Variants in SUPT3H observed in about 807,000 individuals in gnomAD.
SUPT3H encodes SPT3 homolog, SAGA and STAGA complex component.
SUPT3H carries 44 observed loss-of-function variants against 44.3 expected under a neutral mutation model. That is an observed-to-expected ratio of 0.99 (90% CI 0.78 to 1.28). SUPT3H has a LOEUF of 1.28. Ranked by LOEUF, SUPT3H falls within the 50% of genes most tolerant of loss-of-function variation. The pLI is 0.00. For missense variants in SUPT3H, 380 were observed against 387.1 expected (o/e 0.98, Z 0.15); for synonymous variants, 124 against 125.6 (o/e 0.99, Z 0.09).
intron 2 of SUPT3H, among the ~76,000 whole-genome samples, chr6:45,123,606 TTATATA>T (rs773020497): frequency 6.6e-6 from 1 of 151,844 alleles, no homozygotes; most frequent in East Asian, 1.9e-4. Context: ...AAAACAAAGA[TTATATA>T]TATATAATCT....
At chr6:45,176,275 G>T in intron 2 of SUPT3H, among the ~76,000 whole-genome samples, 1 of 151,776 alleles carries the variant, frequency 6.6e-6, no homozygotes, top group Non-Finnish European at 1.5e-5. Context: ...AGCGCGAGGG[G>T]TCAAGAACTT....
rs558608295 is a variant in SUPT3H, at chr6:45,049,678, A to AT, written c.187-29047dup. Among the ~76,000 whole-genome samples, 60 of 152,300 alleles carry AT rather than the reference A, an allele frequency of 3.9e-4. 1 individual carries two copies. Among genetic ancestry groups the AT allele is most frequent in the African/African-American group, 1.2e-3 (50 of 41,568 alleles). ...TCTTTGAGTATACACAAGTAGCTTC[A>AT]TTGTTTATAGCTTAACTCAGAAAGA... On this transcript the variant is annotated intron_variant, in intron 3 of 10. Transcript: ENST00000371459.
intron 3 of SUPT3H, among the ~76,000 whole-genome samples, chr6:45,054,647 T>C (rs114559687): frequency 0.019 from 2,961 of 152,230 alleles, 57 homozygotes; most frequent in South Asian, 0.086. Flanking sequence ...TATGTAGCCA[T>C]TGGGGGCTTT....
chr6:45,011,251 T>C (rs529440279), intron 5 of SUPT3H, among the ~76,000 whole-genome samples: 6 of 152,106 alleles, frequency 3.9e-5, no homozygotes, highest in Non-Finnish European at 7.4e-5. Flanking sequence ...TGGGAAATAA[T>C]TGGTATTCTT....
intron 2 of SUPT3H, among the ~76,000 whole-genome samples, chr6:45,314,705 T>C (rs906762986): frequency 3.9e-5 from 6 of 152,066 alleles, no homozygotes; most frequent in African/African-American, 1.2e-4. Flanking sequence ...GTGAAAATCA[T>C]CATACTGCCA....
intron 2 of SUPT3H, among the ~76,000 whole-genome samples, chr6:45,292,120 T>C (rs1049958044): frequency 2.0e-5 from 3 of 152,170 alleles, no homozygotes; most frequent in Admixed American, 6.5e-5. Context: ...CTAGGAGGGA[T>C]TGGGGCCCTA....
At chr6:45,227,177 T>G (rs1284902801) in intron 2 of SUPT3H, among the ~76,000 whole-genome samples, 1 of 151,612 alleles carries the variant, frequency 6.6e-6, no homozygotes, top group African/African-American at 2.4e-5. Context: ...TTAATGATAG[T>G]TAGTATATGA....
In SUPT3H at chr6:45,298,146, G is replaced by A. The variant is rs905660850; in HGVS notation, c.101+67055C>T. Among the ~76,000 whole-genome samples the A allele has an allele frequency of 2.6e-5, 4 of 152,216 alleles. No individual in the cohort carries two copies. In the South Asian group the frequency reaches 8.3e-4, roughly 32 times the overall value. ...AGTTTTATGAAGAGTTAGGACTTTC[G>A]ATAATTTAATGAATGATCATGACTT... is the stretch of plus-strand genomic sequence containing the variant. On this transcript the variant is annotated intron_variant, in intron 2 of 10. Coordinates refer to ENST00000371459, the MANE Select transcript of SUPT3H (RefSeq NM_003599.4).
chr6:45,030,207 G>C (rs534663794), intron 3 of SUPT3H, among the ~76,000 whole-genome samples: 1 of 152,096 alleles, frequency 6.6e-6, no homozygotes, highest in African/African-American at 2.4e-5. Flanking sequence ...GTTATCCTTT[G>C]GTAACTCAGT....
chr6:45,014,921 A>T (rs1784024821), intron 4 of SUPT3H, 30 bp from the exon 5 acceptor site: 1 of 1,348,806 alleles, frequency 7.4e-7, no homozygotes, highest in Admixed American at 2.7e-5. Flanking sequence ...AGTAAATAAG[A>T]AAACCTATAC....
intron 10 of SUPT3H, among the ~76,000 whole-genome samples, chr6:44,876,930 G>A (rs971816852): frequency 6.6e-6 from 1 of 151,436 alleles, no homozygotes; most frequent in East Asian, 1.9e-4. Context: ...TTAATAACAT[G>A]CATCCTTAAA....
At chr6:44,971,705 T>C (rs73445435) in intron 6 of SUPT3H, among the ~76,000 whole-genome samples, 1,855 of 152,274 alleles carry the variant, frequency 0.012, 44 homozygotes, top group African/African-American at 0.042. Context: ...TCCCAGCTCC[T>C]CCCAGATCTC....
chr6:45,077,277 T>C (rs961421144), intron 3 of SUPT3H, among the ~76,000 whole-genome samples: 7 of 152,122 alleles, frequency 4.6e-5, no homozygotes, highest in Admixed American at 4.6e-4. Flanking sequence ...TCTATTGAGA[T>C]AGAAGGCCTT....
chr6:44,900,165 T>A (rs778809902), intron 10 of SUPT3H, among the ~76,000 whole-genome samples: 1 of 152,114 alleles, frequency 6.6e-6, no homozygotes, highest in Non-Finnish European at 1.5e-5. Flanking sequence ...GGGAATGTCG[T>A]AAAGTGGGTG....
chr6:45,158,298 A>ATTT (rs56882164), intron 2 of SUPT3H, among the ~76,000 whole-genome samples: 20 of 99,694 alleles, frequency 2.0e-4, no homozygotes, highest in Non-Finnish European at 3.0e-4. Flanking sequence ...ATATATATAT[A>ATTT]TTTTTTTTTT....
chr6:44,864,256 T>C (rs987226421), intron 10 of SUPT3H, among the ~76,000 whole-genome samples: 1 of 152,210 alleles, frequency 6.6e-6, no homozygotes, highest in Non-Finnish European at 1.5e-5. Flanking sequence ...GGTACAGGCA[T>C]TGGGTAAATA....
chr6:45,047,962 T>C (rs1789669380), intron 3 of SUPT3H, among the ~76,000 whole-genome samples: 1 of 152,120 alleles, frequency 6.6e-6, no homozygotes, highest in African/African-American at 2.4e-5. Flanking sequence ...CAAATCTTTA[T>C]TCCATTAACA....
chr6:45,243,536 A>G (rs1021056564), intron 2 of SUPT3H, among the ~76,000 whole-genome samples: 1 of 152,306 alleles, frequency 6.6e-6, no homozygotes, highest in Non-Finnish European at 1.5e-5. Context: ...TATGAATCTC[A>G]TTAATACAAG....
intron 2 of SUPT3H, among the ~76,000 whole-genome samples, chr6:45,235,202 A>G (rs779562112): frequency 6.6e-6 from 1 of 152,226 alleles, no homozygotes; most frequent in South Asian, 2.1e-4. Flanking sequence ...ATTTTTCTGC[A>G]TCAGTATAAA....
Sources: gnomAD v4.1 joint callset for allele counts (sites outside exome capture counted in the v4.1 genomes callset) on GRCh38, gnomAD v4.1.1 for gene constraint, MANE v1.5 for transcripts, NCBI Gene and HGNC (gene_info 2026-07-23, HGNC 2026-07-21) for gene names.